Variants in DDX21 observed in about 807,000 individuals in gnomAD.
DDX21 encodes DExD-box helicase 21, also known as nucleolar RNA helicase 2.
DDX21 carries 18 observed loss-of-function variants against 90.0 expected under a neutral mutation model. The observed-to-expected ratio is 0.20, with a 90% CI of 0.14 to 0.30. The LOEUF is 0.30. Among genes scored for constraint, DDX21 ranks in the 10% least tolerant of loss-of-function variants. DDX21 has a pLI of 1.00. For missense variants in DDX21, 673 were observed against 944.5 expected (o/e 0.71, Z 3.77); for synonymous variants, 294 against 318.0 (o/e 0.92, Z 0.80).
intron 13 of DDX21, 102 bp from the exon 14 acceptor site, chr10:68,981,435 T>C: frequency 1.8e-6 from 2 of 1,122,320 alleles, no homozygotes; most frequent in Non-Finnish European, 2.6e-6. Context: ...TTTTTTGCTT[T>C]ATGTTTTTTG....
chr10:68,972,241 T>A (rs1417577159), intron 9 of DDX21, among the ~76,000 whole-genome samples, 189 bp downstream of exon 9: 2 of 152,276 alleles, frequency 1.3e-5, no homozygotes, highest in Non-Finnish European at 2.9e-5. Context: ...TGAGTAGAAG[T>A]GCAGTCAGCA....
At chr10:68,967,749 C>T (rs552346232) in intron 6 of DDX21, among the ~76,000 whole-genome samples, 2 of 152,238 alleles carry the variant, frequency 1.3e-5, no homozygotes, top group Non-Finnish European at 2.9e-5. Context: ...TCTGACTATA[C>T]ATATAAAAAT....
At chr10:68,962,046 A>G (rs1257122355) in intron 2 of DDX21, 36 bp from the exon 3 acceptor site, 1 of 1,502,824 alleles carries the variant, frequency 6.7e-7, no homozygotes, top group South Asian at 1.2e-5. Flanking sequence ...TGTGTAGGTG[A>G]TTATTGATTT....
intron 11 of DDX21, 28 bp downstream of exon 11, chr10:68,974,771 G>C: frequency 6.3e-7 from 1 of 1,586,290 alleles, no homozygotes. Context: ...GCTATGGTCT[G>C]TTTTAGTGTT....
At chr10:68,959,388 G>T (rs1415559183) in intron 1 of DDX21, among the ~76,000 whole-genome samples, 2 of 152,134 alleles carry the variant, frequency 1.3e-5, no homozygotes, top group African/African-American at 2.4e-5. Context: ...CAGGTACTCG[G>T]GAGGCTGAGG....
At chr10:68,982,315 A>G (rs1356016301) in intron 14 of DDX21, among the ~76,000 whole-genome samples, 1 of 152,238 alleles carries the variant, frequency 6.6e-6, no homozygotes, top group African/African-American at 2.4e-5. Flanking sequence ...TAATAAATGA[A>G]GTAGTGATGA....
intron 11 of DDX21, among the ~76,000 whole-genome samples, chr10:68,976,122 G>A (rs946485181): frequency 6.6e-6 from 1 of 151,696 alleles, no homozygotes; most frequent in Non-Finnish European, 1.5e-5. Flanking sequence ...AGCTACTCTG[G>A]AGGCTGAGAT....
chr10:68,973,119 C>T (rs1163342686), intron 9 of DDX21, among the ~76,000 whole-genome samples: 2 of 151,928 alleles, frequency 1.3e-5, no homozygotes, highest in Admixed American at 6.6e-5. Flanking sequence ...CACTTGAACC[C>T]GGTAGGCGGA....
chr10:68,964,997 A>T (rs2132083139), intron 4 of DDX21, among the ~76,000 whole-genome samples: 1 of 152,228 alleles, frequency 6.6e-6, no homozygotes, highest in South Asian at 2.1e-4. Context: ...TAGGATTCAA[A>T]GCCCCTTACA....
rs1843247057 is a variant in DDX21 at position 68,984,993 on chromosome 10, CATAA to C, written c.*2184_*2187del. On this transcript the variant is annotated 3_prime_UTR_variant, in exon 15 of 15. Coordinates refer to ENST00000354185, the MANE Select transcript of DDX21 (RefSeq NM_004728.4). ...GTGCAGCAGTTTCTCTACAGTTGTG[CATAA>C]ATGTTTTTACTATAAAATGAGCTAA... 6.6e-6 allele frequency: 1 copy of C among 152,096 alleles called. No individual in the cohort carries two copies. The highest frequency in any genetic ancestry group is 6.6e-5 in the Admixed American group (1 of 15,258). 9.4% of individuals were successfully genotyped at this position (152,096 alleles called of 1,614,324 possible). A position where few individuals can be genotyped will look rare whatever the true frequency, so the allele number is the denominator to read the frequency against.
chr10:68,958,998 A>G (rs1842837912), intron 1 of DDX21, among the ~76,000 whole-genome samples: 1 of 152,166 alleles, frequency 6.6e-6, no homozygotes, highest in South Asian at 2.1e-4. Flanking sequence ...TGGGTGAAAA[A>G]GTGAAATTGT....
intron 13 of DDX21, among the ~76,000 whole-genome samples, chr10:68,980,266 A>G (rs568573808): frequency 2.0e-5 from 3 of 152,232 alleles, no homozygotes; most frequent in South Asian, 4.1e-4. Context: ...TATATATATA[A>G]ATCTTTTCCT....
intron 1 of DDX21, chr10:68,956,821 T>C: frequency 1.1e-6 from 1 of 933,018 alleles, no homozygotes; most frequent in Middle Eastern, 5.6e-4. Context: ...GGCGGGCGGA[T>C]CATGAGGTCA....
chr10:68,971,747 A>G (rs1042595609), intron 8 of DDX21, 144 bp from the exon 9 acceptor site: 1 of 721,516 alleles, frequency 1.4e-6, no homozygotes, highest in Non-Finnish European at 2.3e-6. Context: ...AGGCTTATCC[A>G]TTCAAGACAC....
Position 68,984,968 on chromosome 10 carries a change from G to A in DDX21, c.*2156G>A, listed in dbSNP as rs1395349869. 1 of 152,150 alleles carries A rather than the reference G, an allele frequency of 6.6e-6. No homozygotes were observed. The highest frequency in any genetic ancestry group is 2.4e-5 in the African/African-American group (1 of 41,422). The allele number at this position is 152,150 out of a possible 1,614,324, so 9.4% of individuals were successfully genotyped here. ...TTTCTAATTTAAGTTGGAGCTATCT[G>A]TGCAGCAGTTTCTCTACAGTTGTGC... is the stretch of plus-strand genomic sequence containing the variant. On this transcript the variant is annotated 3_prime_UTR_variant, in exon 15 of 15. Transcript: ENST00000354185.
chr10:68,970,502 T>A, intron 8 of DDX21, 152 bp downstream of exon 8: 1 of 781,842 alleles, frequency 1.3e-6, no homozygotes, highest in Non-Finnish European at 1.9e-6. Flanking sequence ...TTTTTTTTTT[T>A]TAATTGAGGC....
Position 68,982,887 on chromosome 10 carries a change from A to G in DDX21, c.*75A>G. ...TAGAACTGAACATTATTTTTCATGC[A>G]AAGTTAAAAGCACATTGTGCCTCCT... On this transcript the variant is annotated 3_prime_UTR_variant, in exon 15 of 15. Transcript: ENST00000354185. 6.4e-7 allele frequency: 1 copy of G among 1,554,708 alleles called. No homozygotes were observed. Among genetic ancestry groups the G allele is most frequent in the Middle Eastern group, 2.3e-4 (1 of 4,322 alleles).
At position 68,956,217 on chromosome 10, in the gene DDX21, G is replaced by C; in HGVS notation, c.-9G>C. ...GAAGACCGGTCGGCCTGGGCAACCT[G>C]CGCTGAAGATGCCGGGAAAACTCCG... is the stretch of plus-strand genomic sequence containing the variant. On this transcript the variant is annotated 5_prime_UTR_variant, in exon 1 of 15. Coordinates refer to ENST00000354185, the MANE Select transcript of DDX21 (RefSeq NM_004728.4). 3.1e-6 allele frequency: 5 copies of C among 1,613,894 alleles called. No individual in the cohort carries two copies. The highest frequency in any genetic ancestry group is 1.6e-4 in the Middle Eastern group (1 of 6,062).
chr10:68,982,681 A>G lies in DDX21; in HGVS notation c.2221A>G (p.Asn741Asp), dbSNP rs1221594317. 1 of 1,613,792 alleles carries G rather than the reference A, an allele frequency of 6.2e-7. No individual in the cohort carries two copies. Among genetic ancestry groups the G allele is most frequent in the Admixed American group, 1.7e-5 (1 of 59,950 alleles). The part of the protein sequence containing the change: ...SRGFRGQRDG[N>D]RRFRGQREGS... ...AGGCTTCAGGGGACAGCGGGACGGA[A>G]ACAGAAGATTCAGAGGACAGCGGGA... The change falls in exon 15 of 15, where the codon AAC becomes GAC. Residue 741 changes from asparagine to aspartate, a missense_variant. Physicochemically the swap from Asn to Asp is conservative, Grantham distance 23. Around this residue, in one of 4 missense-constraint regions of DDX21, gnomAD observed 225 missense variants for 298.8 expected, o/e 0.75. Transcript: ENST00000354185.
Sources: allele counts gnomAD v4.1 joint callset (sites outside exome capture counted in the v4.1 genomes callset), GRCh38; gene constraint gnomAD v4.1.1; regional missense constraint gnomAD v4.1.1; transcripts MANE v1.5; gene names NCBI Gene and HGNC (gene_info 2026-07-23, HGNC 2026-07-21).